The following PTPRT variants were observed in gnomAD, a reference collection of about 807,000 sequenced individuals.
PTPRT encodes the protein protein tyrosine phosphatase receptor type T, also known as receptor-type tyrosine-protein phosphatase T.
In PTPRT, 56 loss-of-function variants were observed where a neutral mutation model predicts 176.8. The ratio of observed to expected loss-of-function variants is 0.32; its 90% CI spans 0.26 to 0.40. PTPRT has a LOEUF of 0.40. PTPRT is among the 10% of genes least tolerant of loss of function. The pLI is 1.00. For missense variants in PTPRT, 1,540 were observed against 1,908.2 expected (o/e 0.81, Z 3.60); for synonymous variants, 783 against 739.0 (o/e 1.06, Z -0.96).
At chr20:42,202,004 C>T (rs1276620256) in intron 15 of PTPRT, among the ~76,000 whole-genome samples, 1 of 126,910 alleles carries the variant, frequency 7.9e-6, no homozygotes, top group Non-Finnish European at 1.8e-5. Flanking sequence ...GTGTCTTATT[C>T]TGTTGCCTAC....
intron 1 of PTPRT, among the ~76,000 whole-genome samples, chr20:42,918,561 C>G (rs1462946838): frequency 6.6e-6 from 1 of 152,170 alleles, no homozygotes; most frequent in Admixed American, 6.5e-5. Flanking sequence ...GCCACCTGCT[C>G]TCCTCACCCA....
chr20:42,956,817 G>T (rs1981673300), intron 1 of PTPRT, among the ~76,000 whole-genome samples: 1 of 152,160 alleles, frequency 6.6e-6, no homozygotes, highest in Non-Finnish European at 1.5e-5. Context: ...AGAAGTCAAG[G>T]CTTGGGGAAC....
chr20:42,299,708 C>T (rs529218273), intron 12 of PTPRT, among the ~76,000 whole-genome samples: 6 of 128,398 alleles, frequency 4.7e-5, no homozygotes, highest in Non-Finnish European at 6.2e-5. Flanking sequence ...AGTGCAGTGG[C>T]GCTATCTCAT....
In PTPRT at chr20:42,394,705, T is replaced by G. The variant is rs147317786; in HGVS notation, c.1561-42420A>C. Among the ~76,000 whole-genome samples, 902 of 152,310 alleles carry G rather than the reference T, an allele frequency of 5.9e-3. 5 individuals are homozygous for G. The highest frequency in any genetic ancestry group is 9.8e-3 in the Non-Finnish European group (668 of 68,030). On this transcript the variant is annotated intron_variant, in intron 9 of 30. Transcript: ENST00000373187. ...AGAGCTGATTATTTTACTATTTGTT[T>G]AGCAATACTACTTTCAGAAGAATCA... is the stretch of plus-strand genomic sequence containing the variant.
intron 1 of PTPRT, among the ~76,000 whole-genome samples, chr20:42,913,454 C>A (rs187678700): frequency 6.6e-6 from 1 of 152,016 alleles, no homozygotes; most frequent in African/African-American, 2.4e-5. Flanking sequence ...GTCTCCCTGC[C>A]TAATTTTTTT....
chr20:42,168,058 T>G (rs1451430875), intron 16 of PTPRT, among the ~76,000 whole-genome samples: 3 of 152,198 alleles, frequency 2.0e-5, no homozygotes, highest in African/African-American at 7.2e-5. Flanking sequence ...AAGAAAATGT[T>G]ATTGAGAAAA....
chr20:42,229,367 T>C (rs1008753817), intron 15 of PTPRT, among the ~76,000 whole-genome samples: 3 of 152,236 alleles, frequency 2.0e-5, no homozygotes, highest in Non-Finnish European at 2.9e-5. Flanking sequence ...CCTATTAACA[T>C]GTTTGCTGTT....
intron 12 of PTPRT, among the ~76,000 whole-genome samples, chr20:42,314,452 CT>C (rs1357669081): frequency 1.3e-5 from 2 of 148,464 alleles, no homozygotes; most frequent in African/African-American, 5.0e-5. Context: ...GAGCGTGAAC[CT>C]GGGAGGTGGA....
intron 5 of PTPRT, among the ~76,000 whole-genome samples, 189 bp from the exon 6 acceptor site, chr20:42,756,825 A>T (rs942640435): frequency 6.6e-6 from 1 of 152,108 alleles, no homozygotes; most frequent in African/African-American, 2.4e-5. Flanking sequence ...CTGAGGCAGG[A>T]GGATCATTTG....
At chr20:42,268,709 T>C (rs1441166863) in intron 13 of PTPRT, among the ~76,000 whole-genome samples, 1 of 152,222 alleles carries the variant, frequency 6.6e-6, no homozygotes, top group African/African-American at 2.4e-5. Context: ...GCAACTTGCT[T>C]AAGGTAATCT....
At chr20:42,172,520 C>T (rs1219027705) in intron 16 of PTPRT, among the ~76,000 whole-genome samples, 1 of 152,188 alleles carries the variant, frequency 6.6e-6, no homozygotes, top group Non-Finnish European at 1.5e-5. Flanking sequence ...CACCTGGGTG[C>T]TAGCTTTTTA....
chr20:42,734,745 T>C (rs543057466), intron 6 of PTPRT, among the ~76,000 whole-genome samples: 3 of 152,348 alleles, frequency 2.0e-5, no homozygotes, highest in African/African-American at 7.2e-5. Context: ...CTATTCCCTA[T>C]GCCTCTCATT....
intron 15 of PTPRT, among the ~76,000 whole-genome samples, chr20:42,206,405 G>C (rs895231533): frequency 6.6e-6 from 1 of 152,210 alleles, no homozygotes; most frequent in Admixed American, 6.5e-5. Context: ...CAGACAGTGG[G>C]CGCAGGTCAG....
At chr20:42,192,736 C>T (rs139118142) in intron 16 of PTPRT, among the ~76,000 whole-genome samples, 51 of 152,348 alleles carry the variant, frequency 3.3e-4, no homozygotes, top group African/African-American at 1.2e-3. Context: ...CACTGCCAGG[C>T]TGCAAGCTCT....
intron 17 of PTPRT, 150 bp downstream of exon 17, chr20:42,161,202 G>T: frequency 1.3e-6 from 1 of 797,960 alleles, no homozygotes; most frequent in Admixed American, 2.5e-5. Context: ...TCAGTAGGGA[G>T]GGATGGGGCC....
chr20:42,333,731 T>G (rs1480383130), intron 11 of PTPRT, among the ~76,000 whole-genome samples: 2 of 152,198 alleles, frequency 1.3e-5, no homozygotes, highest in Non-Finnish European at 2.9e-5. Flanking sequence ...CAGGCTACAG[T>G]GCAGGGGTGC....
intron 1 of PTPRT, among the ~76,000 whole-genome samples, chr20:43,014,417 C>T (rs1286973846): frequency 6.6e-6 from 1 of 152,142 alleles, no homozygotes; most frequent in Non-Finnish European, 1.5e-5. Context: ...GTTTCATTCC[C>T]CCAGCATTAA....
intron 9 of PTPRT, among the ~76,000 whole-genome samples, chr20:42,386,474 C>A (rs2058745586): frequency 6.6e-6 from 1 of 152,118 alleles, no homozygotes; most frequent in African/African-American, 2.4e-5. Flanking sequence ...AGGGGAACAG[C>A]CACTGGGGAT....
the PTPRT span, among the ~76,000 whole-genome samples, chr20:42,035,976 G>T: frequency 1.8e-3 from 277 of 152,314 alleles, no homozygotes; most frequent in African/African-American, 6.4e-3. Flanking sequence ...TTCTTTGGGA[G>T]AAGATAACAG....
Sources: gnomAD v4.1 joint callset for allele counts (sites outside exome capture counted in the v4.1 genomes callset) on GRCh38, gnomAD v4.1.1 for gene constraint, MANE v1.5 for transcripts, NCBI Gene and HGNC (gene_info 2026-07-23, HGNC 2026-07-21) for gene names.